Variants in SORBS2 observed in about 807,000 individuals in gnomAD.
SORBS2 encodes the protein sorbin and SH3 domain-containing protein 2.
SORBS2 carries 46 observed loss-of-function variants against 97.7 expected under a neutral mutation model. That is an observed-to-expected ratio of 0.47 (90% CI 0.37 to 0.60). The LOEUF (loss-of-function observed/expected upper bound fraction) is 0.60. SORBS2 is among the 20% of genes least tolerant of loss of function. SORBS2 has a pLI of 0.00. For synonymous variants in SORBS2, 476 were observed against 473.4 expected (o/e 1.01, Z -0.07); for missense variants, 1,316 against 1,282.3 (o/e 1.03, Z -0.40).
chr4:185,928,614 T>C (rs1018944500), intron 1 of SORBS2, among the ~76,000 whole-genome samples: 5 of 152,042 alleles, frequency 3.3e-5, no homozygotes, highest in East Asian at 3.9e-4. Flanking sequence ...GGCGCGATCT[T>C]GGCTCACTGC....
At chr4:185,726,277 T>C (rs2098553961) in intron 2 of SORBS2, among the ~76,000 whole-genome samples, 1 of 152,204 alleles carries the variant, frequency 6.6e-6, no homozygotes, top group Non-Finnish European at 1.5e-5. Context: ...TTTAAACTAA[T>C]ATAGTTCCTT....
chr4:185,886,682 A>C (rs909360486), intron 1 of SORBS2, among the ~76,000 whole-genome samples: 1 of 152,156 alleles, frequency 6.6e-6, no homozygotes, highest in Admixed American at 6.5e-5. Context: ...CGTGTGGGAA[A>C]GTACATGCTA....
At chr4:185,901,455 C>T (rs1156288423) in intron 1 of SORBS2, among the ~76,000 whole-genome samples, 4 of 152,268 alleles carry the variant, frequency 2.6e-5, no homozygotes, top group South Asian at 2.1e-4. Flanking sequence ...GCGCCCGCCT[C>T]GGCCTCCTAA....
chr4:185,626,695 GT>G lies in SORBS2; in HGVS notation c.634+136del, dbSNP rs2096821747. 5 of 857,584 alleles carry G rather than the reference GT, an allele frequency of 5.8e-6. No homozygotes were observed. In the South Asian group the frequency reaches 8.1e-5, roughly 14 times the overall value. 53.1% of individuals were successfully genotyped at this position (857,584 alleles called of 1,614,324 possible). On this transcript the variant is annotated intron_variant, in intron 6 of 14. Coordinates refer to ENST00000418609, the Ensembl canonical transcript of SORBS2. ...CAGTCTGGGTGGGAAGAAGGCTATT[GT>G]TCTAAAACTATATTTTATTCCAGAC... is the stretch of plus-strand genomic sequence containing the variant.
chr4:185,859,796 G>C (rs1352288655), intron 1 of SORBS2, among the ~76,000 whole-genome samples: 1 of 152,166 alleles, frequency 6.6e-6, no homozygotes, highest in African/African-American at 2.4e-5. Flanking sequence ...AGAGGCAATA[G>C]AAACTTGGAG....
intron 2 of SORBS2, among the ~76,000 whole-genome samples, chr4:185,754,738 G>C (rs1285703782): frequency 2.0e-5 from 3 of 152,178 alleles, no homozygotes; most frequent in African/African-American, 7.2e-5. Flanking sequence ...TAGAAATGAT[G>C]CTCCTTGCAG....
Position 185,607,321 on chromosome 4 carries a change from G to A in SORBS2, c.2796+4459C>T. The A allele has an allele frequency of 7.8e-7, 1 of 1,286,804 alleles. No individual in the cohort carries two copies. The highest frequency in any genetic ancestry group is 1.2e-5 in the South Asian group (1 of 80,914). The allele number at this position is 1,286,804 out of a possible 1,614,324, so 79.7% of individuals were successfully genotyped here. Reference sequence around the variant, plus strand: ...TGAGCCAGGTGAGACTTTGTGGGTGGGAGGAGGGGCTGGTTCACTGGAAGC... The same window carrying A: ...TGAGCCAGGTGAGACTTTGTGGGTGAGAGGAGGGGCTGGTTCACTGGAAGC... On this transcript the variant is annotated intron_variant, in intron 12 of 14. Transcript: ENST00000418609. The surrounding 1 kb of genome is among the most constrained non-coding windows in gnomAD (Gnocchi z 5.2).
chr4:185,840,180 G>A (rs1024862350), intron 1 of SORBS2, among the ~76,000 whole-genome samples: 4 of 152,122 alleles, frequency 2.6e-5, no homozygotes, highest in African/African-American at 9.7e-5. Flanking sequence ...GATGAACAGG[G>A]GTTGTTCATT....
chr4:185,903,013 A>G (rs906489647), intron 1 of SORBS2, among the ~76,000 whole-genome samples: 6 of 152,236 alleles, frequency 3.9e-5, no homozygotes, highest in Non-Finnish European at 7.3e-5. Flanking sequence ...TGAGAAAACT[A>G]AAAGCACTGA....
intron 1 of SORBS2, among the ~76,000 whole-genome samples, chr4:185,881,058 G>C (rs541625125): frequency 1.1e-4 from 17 of 152,288 alleles, no homozygotes; most frequent in African/African-American, 3.8e-4. Context: ...AAGTTGCTGA[G>C]CAAAAGCTTG....
At chr4:185,627,390 G>A (rs1036757965) in intron 5 of SORBS2, among the ~76,000 whole-genome samples, 1 of 151,990 alleles carries the variant, frequency 6.6e-6, no homozygotes, top group African/African-American at 2.4e-5. Context: ...TTTTAAATTT[G>A]TTATTTATGT....
intron 2 of SORBS2, among the ~76,000 whole-genome samples, chr4:185,726,124 G>A (rs535319745): frequency 1.3e-5 from 2 of 152,250 alleles, no homozygotes; most frequent in South Asian, 2.1e-4. Context: ...CTGGTGTGGC[G>A]AGGCAGGTGT....
chr4:185,821,466 T>C (rs1451400228), intron 1 of SORBS2, among the ~76,000 whole-genome samples: 2 of 152,186 alleles, frequency 1.3e-5, no homozygotes, highest in South Asian at 2.1e-4. Flanking sequence ...CTCTGTCTCC[T>C]AGGCTGCAGT....
chr4:185,697,476 A>C (rs1241222470), intron 2 of SORBS2, among the ~76,000 whole-genome samples: 3 of 152,124 alleles, frequency 2.0e-5, no homozygotes, highest in African/African-American at 7.2e-5. Flanking sequence ...TTTCCCCCCC[A>C]CACATTGCCA....
chr4:185,609,030 G>A (rs545421178), intron 12 of SORBS2, among the ~76,000 whole-genome samples: 1 of 151,424 alleles, frequency 6.6e-6, no homozygotes, highest in East Asian at 1.9e-4. Context: ...ATCGTGGGAT[G>A]ACATAAATAT....
rs2099153884 is a variant in SORBS2 at position 185,806,434 on chromosome 4, C to CTGTTTTTTTTTTTTTTTTTTTTTTT, written c.-337-31069_-337-31068insAAAAAAAAAAAAAAAAAAAAAAACA. Among the ~76,000 whole-genome samples the CTGTTTTTTTTTTTTTTTTTTTTTTT allele has an allele frequency of 1.8e-5, 2 of 108,110 alleles. 1 individual carries two copies. Among genetic ancestry groups the CTGTTTTTTTTTTTTTTTTTTTTTTT allele is most frequent in the African/African-American group, 7.3e-5 (2 of 27,232 alleles). 70.9% of individuals were successfully genotyped at this position (108,110 alleles called of 152,430 possible). A position where few individuals can be genotyped will look rare whatever the true frequency, so the allele number is the denominator to read the frequency against. ...AGTGGCACAGCTCTTGGCTAGAATCCTATTTTTTTTTTTTTTTTTTTTTTT... is the reference window on the plus strand; with the variant it reads ...AGTGGCACAGCTCTTGGCTAGAATCCTGTTTTTTTTTTTTTTTTTTTTTTTTATTTTTTTTTTTTTTTTTTTTTTT... On this transcript the variant is annotated intron_variant, in intron 1 of 20. Transcript: ENST00000284776.
intron 2 of SORBS2, chr4:185,739,872 C>A (rs1219215342): frequency 6.6e-6 from 1 of 152,644 alleles, no homozygotes; most frequent in Non-Finnish European, 1.5e-5. Flanking sequence ...AACCCACTGT[C>A]ACCCTGCCAC....
chr4:185,614,708 G>C (rs2096601748), intron 11 of SORBS2, 123 bp downstream of exon 23: 1 of 1,227,146 alleles, frequency 8.1e-7, no homozygotes, highest in Non-Finnish European at 1.1e-6. Flanking sequence ...TAGAAAATAG[G>C]GTAAACATAA....
At chr4:185,864,922 G>A (rs201886073) in intron 1 of SORBS2, among the ~76,000 whole-genome samples, 13 of 94,226 alleles carry the variant, frequency 1.4e-4, no homozygotes, top group Middle Eastern at 5.2e-3. Context: ...AAAAAAAAAA[G>A]AAAAAGAAAA....
Sources: allele counts gnomAD v4.1 joint callset (sites outside exome capture counted in the v4.1 genomes callset), GRCh38; gene constraint gnomAD v4.1.1; non-coding constraint Gnocchi (gnomAD v3.1); transcripts MANE v1.5; gene names NCBI Gene and HGNC (gene_info 2026-07-23, HGNC 2026-07-21).